The following CFAP20DC variants were observed in gnomAD, a reference collection of about 807,000 sequenced individuals.
CFAP20DC encodes CFAP20 domain containing, also known as protein CFAP20DC.
CFAP20DC carries 84 observed loss-of-function variants against 101.7 expected under a neutral mutation model. The ratio of observed to expected loss-of-function variants is 0.83; its 90% confidence interval spans 0.69 to 0.99. The LOEUF (loss-of-function observed/expected upper bound fraction) is 0.99. Ranked by LOEUF, CFAP20DC falls within the 50% of genes least tolerant of loss-of-function variation. The probability of loss-of-function intolerance (pLI) is 0.00; values close to 1 mark genes in which losing one functional copy is unlikely to be tolerated. For missense variants in CFAP20DC, 1,007 were observed against 970.3 expected (o/e 1.04, Z -0.50); for synonymous variants, 359 against 351.2 (o/e 1.02, Z -0.25).
chr3:59,018,625 C>A (rs1250559286), intron 4 of CFAP20DC: 1 of 152,066 alleles, frequency 6.6e-6, no homozygotes, highest in Non-Finnish European at 1.5e-5. Flanking sequence ...AAATAACTGA[C>A]CTGTACTTTT....
At chr3:58,976,056 C>T (rs900336955) in intron 4 of CFAP20DC, among the ~76,000 whole-genome samples, 6 of 152,168 alleles carry the variant, frequency 3.9e-5, no homozygotes, top group Admixed American at 2.0e-4. Context: ...GGGGTCTATT[C>T]GCTTTTGCAG....
At position 58,871,293 on chromosome 3, in the gene CFAP20DC, G is replaced by A. The variant is rs866012229; in HGVS notation, c.716-984C>T. ...AGGAAGTGGCTGGTTTAGCTGGAAG[G>A]AGAGGCTAGGGTCATACTGAAAAGA... On this transcript the variant is annotated intron_variant, in intron 7 of 16. Coordinates refer to ENST00000482387, the MANE Select transcript of CFAP20DC (RefSeq NM_001394063.1). 5.3e-5 allele frequency among the ~76,000 whole-genome samples: 8 copies of A among 152,142 alleles called. No individual in the cohort carries two copies. The South Asian group carries it at 1.0e-3, about 20-fold the overall frequency.
intron 14 of CFAP20DC, among the ~76,000 whole-genome samples, chr3:58,814,718 C>A (rs1450021304): frequency 1.3e-5 from 2 of 150,602 alleles, no homozygotes; most frequent in Non-Finnish European, 2.9e-5. Context: ...CAACAACAGA[C>A]AAACAGAGAG....
chr3:59,004,353 A>G (rs2093382730), intron 4 of CFAP20DC, among the ~76,000 whole-genome samples: 2 of 152,218 alleles, frequency 1.3e-5, no homozygotes, highest in Non-Finnish European at 2.9e-5. Context: ...AAATGAGAGC[A>G]TGGAAGTGTT....
chr3:58,918,555 T>C (rs1382451075), intron 5 of CFAP20DC, among the ~76,000 whole-genome samples: 1 of 152,232 alleles, frequency 6.6e-6, no homozygotes, highest in Non-Finnish European at 1.5e-5. Context: ...TTCTGAGACT[T>C]AACTTCATTA....
At chr3:58,974,768 C>T (rs2108416762) in intron 4 of CFAP20DC, among the ~76,000 whole-genome samples, 1 of 152,192 alleles carries the variant, frequency 6.6e-6, no homozygotes, top group Non-Finnish European at 1.5e-5. Flanking sequence ...TACATAAATT[C>T]CATGCCATTT....
rs950025674 is a variant in CFAP20DC at position 58,874,803 on chromosome 3, T to C, written c.716-4494A>G. ...CATGTCCATGGGATTCTCTAATTAA[T>C]GTGTGCTTCAGTAGACATAAACTCA... is the stretch of plus-strand genomic sequence containing the variant. On this transcript the variant is annotated intron_variant, in intron 7 of 16. Transcript: ENST00000482387. The surrounding 1 kb of genome is among the most constrained non-coding windows in gnomAD (Gnocchi z 5.1). Among the ~76,000 whole-genome samples the C allele has an allele frequency of 6.6e-5, 10 of 152,202 alleles. No individual in the cohort carries two copies. The highest frequency in any genetic ancestry group is 1.5e-4 in the Non-Finnish European group (10 of 68,024).
At chr3:58,884,913 G>A (rs1377345714) in intron 6 of CFAP20DC, among the ~76,000 whole-genome samples, 2 of 152,124 alleles carry the variant, frequency 1.3e-5, no homozygotes, top group Non-Finnish European at 2.9e-5. Context: ...ATGATTAAAT[G>A]AGATAAAGCT....
chr3:58,856,129 A>C (rs1247714011), intron 12 of CFAP20DC, among the ~76,000 whole-genome samples: 5 of 150,770 alleles, frequency 3.3e-5, no homozygotes, highest in Non-Finnish European at 5.9e-5. Flanking sequence ...CTAAAAAAAA[A>C]CCCCTCTCCT....
intron 15 of CFAP20DC, among the ~76,000 whole-genome samples, chr3:58,756,140 A>G (rs1335700247): frequency 6.6e-6 from 1 of 152,070 alleles, no homozygotes. Flanking sequence ...GACCTCTGTA[A>G]CTGTGCACTC....
chr3:58,917,752 A>G (rs116711849), intron 5 of CFAP20DC, among the ~76,000 whole-genome samples: 1,975 of 152,300 alleles, frequency 0.013, 43 homozygotes, highest in African/African-American at 0.045. Flanking sequence ...TTGTAATTCT[A>G]TATTTACAAG....
chr3:58,860,893 A>G (rs2079192348), intron 12 of CFAP20DC, among the ~76,000 whole-genome samples: 2 of 152,164 alleles, frequency 1.3e-5, no homozygotes, highest in Non-Finnish European at 1.5e-5. Context: ...TTTCTGTAGT[A>G]TATTTTTCAA....
intron 14 of CFAP20DC, among the ~76,000 whole-genome samples, chr3:58,810,632 G>A (rs2074535466): frequency 6.7e-6 from 1 of 148,498 alleles, no homozygotes; most frequent in South Asian, 2.1e-4. Context: ...CATTCCCTTT[G>A]AAAACTGGCA....
Position 58,950,926 on chromosome 3 carries a change from T to G in CFAP20DC, c.279-13164A>C, listed in dbSNP as rs1404927890. On this transcript the variant is annotated intron_variant, in intron 4 of 16. Transcript: ENST00000482387. Reference sequence around the variant, plus strand: ...ATTGACAAATGGGATCTAATTAAACTAAAAGCTTCTGCACAGCAAAAGAAA... The same window carrying G: ...ATTGACAAATGGGATCTAATTAAACGAAAAGCTTCTGCACAGCAAAAGAAA... Among the ~76,000 whole-genome samples, 5 of 152,084 alleles carry G rather than the reference T, an allele frequency of 3.3e-5. No homozygotes were observed. In the East Asian group the frequency reaches 9.6e-4, roughly 29 times the overall value.
In CFAP20DC at chr3:58,867,926, T is replaced by C; in HGVS notation, c.1026A>G (p.Leu342=). The C allele has an allele frequency of 1.9e-6, 3 of 1,609,322 alleles. No homozygotes were observed. Among genetic ancestry groups the C allele is most frequent in the Non-Finnish European group, 2.5e-6 (3 of 1,178,008 alleles). ...GAGGGGGATGCGGATGCATAATATG[T>C]AGATTGGCTGCTACATTTTCATATC... ...KQTVPIHAAN[L]HIMHPHPPQE... The change falls in exon 10 of 17, where the codon CTA becomes CTG. Residue 342 remains leucine, a synonymous_variant. Coordinates refer to ENST00000482387, the MANE Select transcript of CFAP20DC (RefSeq NM_001394063.1).
chr3:58,923,975 T>C (rs936207277), intron 5 of CFAP20DC, among the ~76,000 whole-genome samples: 3 of 152,210 alleles, frequency 2.0e-5, no homozygotes, highest in Admixed American at 2.0e-4. Context: ...TCTATATTCC[T>C]GATTTCAATT....
chr3:58,848,750 C>T (rs1011395939), intron 13 of CFAP20DC, among the ~76,000 whole-genome samples: 2 of 152,036 alleles, frequency 1.3e-5, no homozygotes, highest in Non-Finnish European at 2.9e-5. Flanking sequence ...GTGATAACTA[C>T]AAATTATGGG....
At chr3:58,809,073 G>A (rs979846998) in intron 14 of CFAP20DC, among the ~76,000 whole-genome samples, 3 of 152,004 alleles carry the variant, frequency 2.0e-5, no homozygotes, top group African/African-American at 7.3e-5. Flanking sequence ...AGCAAGTCCT[G>A]AGTGACCTAC....
At chr3:59,013,239 G>A (rs1337137017) in intron 4 of CFAP20DC, among the ~76,000 whole-genome samples, 3 of 152,112 alleles carry the variant, frequency 2.0e-5, no homozygotes, top group African/African-American at 7.2e-5. Context: ...TTGCTGTCCT[G>A]ACCAAAATTC....
Sources: allele counts gnomAD v4.1 joint callset (sites outside exome capture counted in the v4.1 genomes callset), GRCh38; gene constraint gnomAD v4.1.1; non-coding constraint Gnocchi (gnomAD v3.1); transcripts MANE v1.5; gene names NCBI Gene and HGNC (gene_info 2026-07-23, HGNC 2026-07-21).